Variants in MBNL2 observed in about 807,000 individuals in gnomAD.
MBNL2 encodes the protein muscleblind like splicing regulator 2, also known as muscleblind-like protein 2.
Under a neutral mutation model 41.9 loss-of-function variants are expected in MBNL2, and 17 were observed. That is an observed-to-expected ratio of 0.41 (90% confidence interval 0.28 to 0.61). The LOEUF is 0.61. MBNL2 is among the 20% of genes least tolerant of loss of function. The probability of loss-of-function intolerance (pLI) is 0.35; values close to 1 mark genes in which losing one functional copy is unlikely to be tolerated. For missense variants in MBNL2, 336 were observed against 505.6 expected (o/e 0.66, Z 3.22); for synonymous variants, 195 against 182.9 (o/e 1.07, Z -0.53).
At chr13:97,218,958 TAAGTA>T (rs1276356963), upstream of MBNL2, among the ~76,000 whole-genome samples, 2 of 151,334 alleles carry the variant, frequency 1.3e-5, no homozygotes, top group East Asian at 1.9e-4. Context: ...AGGTAGACCT[TAAGTA>T]AATAAATAAC....
the MBNL2 span, among the ~76,000 whole-genome samples, chr13:97,173,379 G>T: frequency 1.3e-5 from 2 of 152,194 alleles, no homozygotes; most frequent in African/African-American, 4.8e-5. Flanking sequence ...CTAACCAAAA[G>T]GCAGAGATTG....
Position 97,276,181 on chromosome 13 carries a change from C to T in MBNL2, c.-55C>T, listed in dbSNP as rs1323385802. 1 of 1,384,052 alleles carries T rather than the reference C, an allele frequency of 7.2e-7. No homozygotes were observed. The highest frequency in any genetic ancestry group is 1.4e-5 in the African/African-American group (1 of 70,072). 85.7% of individuals were successfully genotyped at this position (1,384,052 alleles called of 1,614,324 possible). A position where few individuals can be genotyped will look rare whatever the true frequency, so the allele number is the denominator to read the frequency against. On this transcript the variant is annotated 5_prime_UTR_variant, in exon 2 of 9. Coordinates refer to ENST00000679496, the MANE Select transcript of MBNL2 (RefSeq NM_001382683.1). ...AACAGTAGTTTTGGAATCATTAGAA[C>T]TTGGATTGATTTCATCATTTAACAG...
chr13:97,328,567 C>T (rs1220396393), intron 2 of MBNL2, among the ~76,000 whole-genome samples: 1 of 152,214 alleles, frequency 6.6e-6, no homozygotes, highest in Admixed American at 6.5e-5. Flanking sequence ...GGGATTCCAG[C>T]CCTTCGCTAG....
intron 2 of MBNL2, among the ~76,000 whole-genome samples, chr13:97,319,221 C>T (rs964852540): frequency 2.7e-5 from 4 of 149,024 alleles, no homozygotes; most frequent in Admixed American, 1.4e-4. Flanking sequence ...GTGGGACACC[C>T]GGCGGGTGTT....
At position 97,366,907 on chromosome 13, in the gene MBNL2, A is replaced by T. The variant is rs1282488530; in HGVS notation, c.1048+1736A>T. Among the ~76,000 whole-genome samples the T allele has an allele frequency of 6.6e-6, 1 of 152,180 alleles. No homozygotes were observed. The highest frequency in any genetic ancestry group is 1.5e-5 in the Non-Finnish European group (1 of 68,032). ...ACCCATGGGTGCTTCAAAACTGGCT[A>T]TATTTTAATTCGGTTCATTCAGACC... is the stretch of plus-strand genomic sequence containing the variant. On this transcript the variant is annotated intron_variant, in intron 8 of 8. Transcript: ENST00000679496. This position sits in a 1 kb window ranked among gnomAD's most constrained non-coding sequence, Gnocchi z 4.7.
chr13:97,260,858 T>A (rs1022374992), intron 1 of MBNL2, among the ~76,000 whole-genome samples: 2 of 152,150 alleles, frequency 1.3e-5, no homozygotes, highest in Non-Finnish European at 2.9e-5. Flanking sequence ...CCTCCTTATT[T>A]TTTTTTTAAA....
At chr13:97,243,993 A>G (rs2044889414) in intron 1 of MBNL2, among the ~76,000 whole-genome samples, 2 of 152,336 alleles carry the variant, frequency 1.3e-5, no homozygotes, top group Admixed American at 6.5e-5. Context: ...CAAGGGGGAA[A>G]AAAACACACT....
intron 1 of MBNL2, among the ~76,000 whole-genome samples, chr13:97,273,469 G>T (rs547359365): frequency 6.6e-6 from 1 of 152,278 alleles, no homozygotes; most frequent in Non-Finnish European, 1.5e-5. Context: ...TAGCTTCTGT[G>T]AATGCAGCGT....
chr13:97,234,268 G>T (rs1197713812), intron 1 of MBNL2, among the ~76,000 whole-genome samples: 2 of 152,184 alleles, frequency 1.3e-5, no homozygotes, highest in African/African-American at 2.4e-5. Context: ...CTCTTTAGGA[G>T]GCGAGCCCCT....
chr13:97,349,121 A>C (rs149976312), intron 5 of MBNL2, among the ~76,000 whole-genome samples: 6 of 152,150 alleles, frequency 3.9e-5, no homozygotes, highest in Non-Finnish European at 8.8e-5. Context: ...CTTCTCATTC[A>C]TATGTTATTG....
chr13:97,156,941 G>A, the MBNL2 span, among the ~76,000 whole-genome samples: 1 of 151,814 alleles, frequency 6.6e-6, no homozygotes, highest in Non-Finnish European at 1.5e-5. Flanking sequence ...AAAGTCATTG[G>A]TAGCTTGATG....
chr13:97,363,347 C>A (rs2063572872), intron 7 of MBNL2, among the ~76,000 whole-genome samples: 1 of 151,450 alleles, frequency 6.6e-6, no homozygotes, highest in African/African-American at 2.4e-5. Flanking sequence ...CTGAGGAACT[C>A]CAGCATAGAG....
the MBNL2 span, among the ~76,000 whole-genome samples, chr13:97,212,801 G>T: frequency 2.6e-5 from 4 of 152,212 alleles, no homozygotes; most frequent in Non-Finnish European, 5.9e-5. Flanking sequence ...CCCCAGAAGT[G>T]CTTGTCATGA....
chr13:97,357,482 G>A lies in MBNL2; in HGVS notation c.859G>A (p.Ala287Thr), dbSNP rs1057480996. 1 of 1,613,728 alleles carries A rather than the reference G, an allele frequency of 6.2e-7. No individual in the cohort carries two copies. The highest frequency in any genetic ancestry group is 1.7e-5 in the Admixed American group (1 of 60,002). Residue 287 changes from alanine to threonine, a missense_variant and splice_region_variant, in exon 7 of 9, where the codon GCC becomes ACC. Ala to Thr is a moderately conservative substitution (Grantham distance 58). Coordinates refer to ENST00000679496, the MANE Select transcript of MBNL2 (RefSeq NM_001382683.1). ...ATCTTATCGAATTCTTCATTTCTAG[G>A]CCTTTCCCCCTGGTGCTCTTCATCC... The part of the protein sequence containing the change: ...KRPLEATVDL[A>T]FPPGALHPLP...
rs541009589 is a variant in MBNL2, at chr13:97,268,124, C to G, written c.-604-7508C>G. Among the ~76,000 whole-genome samples the G allele has an allele frequency of 1.2e-4, 18 of 151,802 alleles. No homozygotes were observed. The highest frequency in any genetic ancestry group is 1.0e-3 in the South Asian group (5 of 4,814). ...TCCTTTCTTTCTTTTGAGACAGCGT[C>G]GCTCTTGTCATCCAGGCTAGAGTGC... On this transcript the variant is annotated intron_variant, in intron 1 of 8. Coordinates refer to ENST00000679496, the MANE Select transcript of MBNL2 (RefSeq NM_001382683.1). The surrounding 1 kb of genome is among the most constrained non-coding windows in gnomAD (Gnocchi z 4.6).
the MBNL2 span, among the ~76,000 whole-genome samples, chr13:97,205,661 A>T: frequency 6.6e-6 from 1 of 152,206 alleles, no homozygotes; most frequent in Non-Finnish European, 1.5e-5. Context: ...AATCTGTCAG[A>T]AGGTGACAGC....
the MBNL2 span, among the ~76,000 whole-genome samples, chr13:97,204,503 G>T: frequency 6.6e-6 from 1 of 151,954 alleles, no homozygotes; most frequent in African/African-American, 2.4e-5. Flanking sequence ...CCTATATCAG[G>T]AACTCCTAGC....
the MBNL2 span, among the ~76,000 whole-genome samples, chr13:97,148,070 C>T: frequency 6.6e-6 from 1 of 152,106 alleles, no homozygotes; most frequent in African/African-American, 2.4e-5. Context: ...GTTAAGGATA[C>T]ATGGTTGAGA....
intron 5 of MBNL2, among the ~76,000 whole-genome samples, chr13:97,354,039 CAAAA>C (rs61536908): frequency 3.9e-5 from 4 of 101,902 alleles, no homozygotes; most frequent in Non-Finnish European, 4.5e-5. Flanking sequence ...GTCCTCAATC[CAAAA>C]AAAAAAAAAA....
Sources: gnomAD v4.1 joint callset for allele counts (sites outside exome capture counted in the v4.1 genomes callset) on GRCh38, gnomAD v4.1.1 for gene constraint, Gnocchi (gnomAD v3.1) non-coding constraint, MANE v1.5 for transcripts, NCBI Gene and HGNC (gene_info 2026-07-23, HGNC 2026-07-21) for gene names.